Variants in LIMCH1 observed in about 807,000 individuals in gnomAD.
LIMCH1 encodes LIM and calponin homology domains 1.
A neutral mutation model predicts 176.5 loss-of-function variants in LIMCH1; 113 were observed. The ratio of observed to expected loss-of-function variants is 0.64; its 90% CI spans 0.55 to 0.75. The LOEUF (loss-of-function observed/expected upper bound fraction) is 0.75, where lower values mean the gene tolerates loss of function less well. Among genes scored for constraint, LIMCH1 ranks in the 30% least tolerant of loss-of-function variants. The pLI is 0.00. For synonymous variants in LIMCH1, 619 were observed against 645.9 expected (o/e 0.96, Z 0.63); for missense variants, 1,674 against 1,814.9 (o/e 0.92, Z 1.41).
chr4:41,558,114 G>A (rs1011760743), intron 1 of LIMCH1, among the ~76,000 whole-genome samples: 7 of 151,982 alleles, frequency 4.6e-5, no homozygotes, highest in South Asian at 2.1e-4. Context: ...AAGCTGCTCC[G>A]TATACATCAG....
At chr4:41,527,852 G>A (rs956162980) in intron 3 of LIMCH1, among the ~76,000 whole-genome samples, 2 of 138,464 alleles carry the variant, frequency 1.4e-5, no homozygotes, top group African/African-American at 5.4e-5. Flanking sequence ...AAAAAAAACT[G>A]CCCCATCCCC....
At chr4:41,362,010 C>T (rs188293130) in intron 1 of LIMCH1, among the ~76,000 whole-genome samples, 6 of 152,262 alleles carry the variant, frequency 3.9e-5, no homozygotes, top group Admixed American at 3.9e-4. Context: ...CAGAATTCCG[C>T]CTGTCACTTA....
chr4:41,425,852 C>T (rs1162155073), intron 1 of LIMCH1, among the ~76,000 whole-genome samples: 7 of 152,140 alleles, frequency 4.6e-5, no homozygotes, highest in Non-Finnish European at 8.8e-5. Flanking sequence ...TATGCAGACA[C>T]TTAAACTTCT....
intron 2 of LIMCH1, among the ~76,000 whole-genome samples, chr4:41,505,840 T>A (rs562961722): frequency 1.3e-5 from 2 of 152,036 alleles, no homozygotes; most frequent in Admixed American, 6.6e-5. Flanking sequence ...GTTATAAGAT[T>A]TCTACCTAGG....
At chr4:41,400,066 C>T (rs2058255945) in intron 1 of LIMCH1, among the ~76,000 whole-genome samples, 2 of 151,166 alleles carry the variant, frequency 1.3e-5, no homozygotes, top group African/African-American at 4.9e-5. Flanking sequence ...ATTACATTTC[C>T]TAAAGTCTCA....
chr4:41,381,444 A>G (rs138449627), intron 1 of LIMCH1, among the ~76,000 whole-genome samples: 500 of 152,328 alleles, frequency 3.3e-3, no homozygotes, highest in African/African-American at 0.011. Flanking sequence ...TTCCAAATTC[A>G]TGTTTCCCTC....
chr4:41,375,302 G>A (rs1372140972), intron 1 of LIMCH1, among the ~76,000 whole-genome samples: 1 of 152,106 alleles, frequency 6.6e-6, no homozygotes, highest in Non-Finnish European at 1.5e-5. Context: ...GACTAGAACA[G>A]TGCTATTTTT....
chr4:41,625,691 G>A (rs905390577), intron 7 of LIMCH1, among the ~76,000 whole-genome samples: 2 of 152,062 alleles, frequency 1.3e-5, no homozygotes, highest in Non-Finnish European at 2.9e-5. Context: ...TTGCCACACT[G>A]GGCATTTAGC....
intron 1 of LIMCH1, among the ~76,000 whole-genome samples, chr4:41,425,976 C>T (rs999820538): frequency 6.0e-5 from 9 of 149,380 alleles, no homozygotes; most frequent in Non-Finnish European, 1.2e-4. Context: ...TGATTTGAAA[C>T]TAAGGATGCT....
intron 1 of LIMCH1, among the ~76,000 whole-genome samples, chr4:41,550,460 T>C (rs1039584940): frequency 2.0e-5 from 3 of 152,056 alleles, no homozygotes; most frequent in Non-Finnish European, 2.9e-5. Flanking sequence ...TCTAGGTGCC[T>C]CAAGTTGGAA....
chr4:41,485,987 G>T (rs1405556730), intron 1 of LIMCH1, among the ~76,000 whole-genome samples: 1 of 152,166 alleles, frequency 6.6e-6, no homozygotes, highest in Non-Finnish European at 1.5e-5. Context: ...GATAGGTGTG[G>T]TTAGGTGTGG....
intron 1 of LIMCH1, among the ~76,000 whole-genome samples, chr4:41,476,059 A>G (rs1286803728): frequency 1.3e-5 from 2 of 152,072 alleles, no homozygotes; most frequent in Admixed American, 1.3e-4. Context: ...GTAACCTTGA[A>G]CTCCTGGGCT....
intron 1 of LIMCH1, among the ~76,000 whole-genome samples, chr4:41,361,392 C>A (rs939564876): frequency 6.6e-6 from 1 of 152,240 alleles, no homozygotes; most frequent in African/African-American, 2.4e-5. Flanking sequence ...ACCCCGCACC[C>A]TTCCGGAGCA....
At chr4:41,552,483 C>T (rs900081115) in intron 1 of LIMCH1, among the ~76,000 whole-genome samples, 6 of 152,116 alleles carry the variant, frequency 3.9e-5, no homozygotes, top group East Asian at 1.9e-4. Flanking sequence ...TAAATGCCAT[C>T]GCGTTACTTT....
At chr4:41,482,137 G>A (rs1284944443) in intron 1 of LIMCH1, among the ~76,000 whole-genome samples, 3 of 152,134 alleles carry the variant, frequency 2.0e-5, no homozygotes, top group African/African-American at 7.2e-5. Flanking sequence ...CAAAGTGCTG[G>A]GATTACAGGT....
intron 1 of LIMCH1, among the ~76,000 whole-genome samples, chr4:41,410,262 G>A (rs2059360402): frequency 6.6e-6 from 1 of 152,132 alleles, no homozygotes; most frequent in Admixed American, 6.5e-5. Context: ...ACTTTCCCAG[G>A]AGGCTGTGTT....
intron 3 of LIMCH1, among the ~76,000 whole-genome samples, chr4:41,531,465 C>G (rs2077276482): frequency 7.5e-6 from 1 of 133,612 alleles, no homozygotes; most frequent in Admixed American, 8.6e-5. Context: ...CTTCTACAGT[C>G]TTTCTCTGTC....
Position 41,650,439 on chromosome 4 carries a change from A to G in LIMCH1, c.2867A>G (p.Glu956Gly), listed in dbSNP as rs1490208494. The change falls in exon 18 of 32, where the codon GAG becomes GGG. Residue 956 changes from glutamate to glycine, a missense_variant. Transcript: ENST00000503057. Reference sequence around the variant, plus strand: ...AATGGAGAGACGGTTCATAGAGAGGAGGAGAAGGAAAGAGAGTGTCCCACG... The same window carrying G: ...AATGGAGAGACGGTTCATAGAGAGGGGGAGAAGGAAAGAGAGTGTCCCACG... ...SVNGETVHRE[E>G]EKERECPTVA... 1 of 1,614,062 alleles carries G rather than the reference A, an allele frequency of 6.2e-7. No homozygotes were observed.
chr4:41,674,687 G>C (rs186145552), intron 22 of LIMCH1, among the ~76,000 whole-genome samples: 1 of 152,088 alleles, frequency 6.6e-6, no homozygotes, highest in African/African-American at 2.4e-5. Context: ...TACCTTAAAC[G>C]TGCTCAAAAC....
Sources: allele counts gnomAD v4.1 joint callset (sites outside exome capture counted in the v4.1 genomes callset), GRCh38; gene constraint gnomAD v4.1.1; transcripts MANE v1.5; gene names NCBI Gene and HGNC (gene_info 2026-07-23, HGNC 2026-07-21).